The following ARID2 variants were observed in gnomAD, a reference collection of about 807,000 sequenced individuals.
The protein encoded by ARID2 is AT-rich interaction domain 2, also known as AT-rich interactive domain-containing protein 2.
A neutral mutation model predicts 184.6 loss-of-function variants in ARID2; 32 were observed. The observed-to-expected ratio is 0.17, with a 90% CI of 0.13 to 0.23. The LOEUF is 0.23. Ranked by LOEUF, ARID2 falls within the 10% of genes least tolerant of loss-of-function variation. ARID2 has a pLI of 1.00. For synonymous variants in ARID2, 836 were observed against 772.6 expected, an observed-to-expected ratio of 1.08 and a Z score of -1.36; for missense variants, 1,696 against 2,197.6, an observed-to-expected ratio of 0.77 and a Z score of 4.56.
intron 16 of ARID2, among the ~76,000 whole-genome samples, chr12:45,867,413 C>T (rs148921825): frequency 9.0e-4 from 137 of 152,100 alleles, no homozygotes; most frequent in African/African-American, 3.2e-3. Context: ...CCACCACACC[C>T]ACCTAATTTT....
At chr12:45,833,467 A>G (rs180801234) in intron 6 of ARID2, among the ~76,000 whole-genome samples, 2 of 151,612 alleles carry the variant, frequency 1.3e-5, no homozygotes, top group African/African-American at 4.8e-5. Flanking sequence ...CTTGAAACTG[A>G]TTTTTGTCTT....
Position 45,738,779 on chromosome 12 carries a change from C to CTTTTTTTTT in ARID2, c.284+7491_284+7499dup, listed in dbSNP as rs11333868. On this transcript the variant is annotated intron_variant, in intron 3 of 20. Coordinates refer to ENST00000334344, the MANE Select transcript of ARID2 (RefSeq NM_152641.4). ...TTTTCTTCCTGGGGCATATGGGCTA[C>CTTTTTTTTT]TTTTTTTTTTTTTTTTTTTTTTTTT... Among the ~76,000 whole-genome samples, 82 of 62,272 alleles carry CTTTTTTTTT rather than the reference C, an allele frequency of 1.3e-3. 7 individuals carry two copies. The highest frequency in any genetic ancestry group is 1.6e-3 in the Non-Finnish European group (63 of 38,594). 40.9% of individuals were successfully genotyped at this position (62,272 alleles called of 152,430 possible).
intron 3 of ARID2, among the ~76,000 whole-genome samples, chr12:45,803,274 T>C (rs1942540258): frequency 6.6e-6 from 1 of 152,188 alleles, no homozygotes; most frequent in Non-Finnish European, 1.5e-5. Context: ...TGTAATTTGC[T>C]CTAATCCTTG....
At position 45,905,004 on chromosome 12, in the gene ARID2, G is replaced by A. The variant is rs1356378323; in HGVS notation, c.5434G>A (p.Ala1812Thr). The A allele has an allele frequency of 1.2e-6, 2 of 1,613,802 alleles. No homozygotes were observed. The highest frequency in any genetic ancestry group is 1.3e-5 in the African/African-American group (1 of 74,870). Residue 1812 changes from alanine (A) to threonine (T), a missense_variant, in exon 21 of 21, where the codon GCC becomes ACC. Physicochemically the swap from Ala to Thr is moderately conservative, Grantham distance 58. Coordinates refer to ENST00000334344, the MANE Select transcript of ARID2 (RefSeq NM_152641.4). ...TAACATGGAAGCTTCCTCCACCCTT[G>A]CCAAATGCCTTTATGAACTTAATTT... The part of the protein sequence containing the change: ...ISNMEASSTL[A>T]KCLYELNFTV...
chr12:45,744,596 T>C (rs1326586624), intron 3 of ARID2, among the ~76,000 whole-genome samples: 1 of 152,206 alleles, frequency 6.6e-6, no homozygotes, highest in African/African-American at 2.4e-5. Context: ...GTTTTTGCTC[T>C]TTTGTTCTTT....
chr12:45,843,470 T>C (rs1275372453), intron 11 of ARID2, among the ~76,000 whole-genome samples: 2 of 151,330 alleles, frequency 1.3e-5, no homozygotes, highest in African/African-American at 2.4e-5. Context: ...GGCTCAAGAC[T>C]ATCCTCCCAC....
At chr12:45,748,888 A>C (rs147144605) in intron 3 of ARID2, among the ~76,000 whole-genome samples, 106 of 152,234 alleles carry the variant, frequency 7.0e-4, no homozygotes, top group African/African-American at 2.4e-3. Flanking sequence ...TTCAGGCTCC[A>C]CTTCTAATTC....
intron 16 of ARID2, among the ~76,000 whole-genome samples, chr12:45,880,223 A>G (rs1039105396): frequency 2.7e-4 from 41 of 152,228 alleles, no homozygotes; most frequent in Non-Finnish European, 5.1e-4. Context: ...AGAGGAATAA[A>G]ATCTACATTA....
chr12:45,830,280 A>G (rs7298844), intron 6 of ARID2, among the ~76,000 whole-genome samples: 21,915 of 152,010 alleles, frequency 0.14, 2,049 homozygotes, highest in Middle Eastern at 0.21. Context: ...TCATTCTTCC[A>G]CTACTCTATT....
At chr12:45,805,182 C>G (rs1287365142) in intron 3 of ARID2, among the ~76,000 whole-genome samples, 2 of 151,496 alleles carry the variant, frequency 1.3e-5, no homozygotes, top group Non-Finnish European at 3.0e-5. Context: ...CTCCTTTTTT[C>G]TGTATATTTA....
intron 3 of ARID2, among the ~76,000 whole-genome samples, chr12:45,771,268 G>T (rs1377322240): frequency 1.3e-5 from 2 of 151,102 alleles, no homozygotes; most frequent in Non-Finnish European, 2.9e-5. Context: ...TGAGGCAGGA[G>T]AATCGCTTGA....
At chr12:45,806,883 T>TG in intron 3 of ARID2, among the ~76,000 whole-genome samples, 1 of 152,204 alleles carries the variant, frequency 6.6e-6, no homozygotes, top group East Asian at 1.9e-4. Flanking sequence ...AGTTACAAGT[T>TG]GAAGTTTATA....
At chr12:45,813,896 T>A (rs1414779605) in intron 4 of ARID2, among the ~76,000 whole-genome samples, 1 of 152,328 alleles carries the variant, frequency 6.6e-6, no homozygotes, top group South Asian at 2.1e-4. Flanking sequence ...CATACTGTTT[T>A]TGACATTACA....
At chr12:45,787,781 G>A (rs1221550002) in intron 3 of ARID2, among the ~76,000 whole-genome samples, 1 of 151,926 alleles carries the variant, frequency 6.6e-6, no homozygotes, top group African/African-American at 2.4e-5. Context: ...TATTAATATA[G>A]GGATCCTTAT....
At chr12:45,740,065 A>T (rs763737986) in intron 3 of ARID2, among the ~76,000 whole-genome samples, 37 of 152,302 alleles carry the variant, frequency 2.4e-4, no homozygotes, top group South Asian at 8.3e-4. Flanking sequence ...TGTGCTTGCA[A>T]ATAATAGGTA....
intron 6 of ARID2, among the ~76,000 whole-genome samples, chr12:45,831,173 C>T (rs1279172653): frequency 6.6e-6 from 1 of 152,002 alleles, no homozygotes; most frequent in African/African-American, 2.4e-5. Context: ...CTTTTTCTAA[C>T]TTGTTAGGAA....
At chr12:45,870,239 CG>C (rs1943902378) in intron 16 of ARID2, among the ~76,000 whole-genome samples, 1 of 152,084 alleles carries the variant, frequency 6.6e-6, no homozygotes. Context: ...CCACCCTCCT[CG>C]GCCTCCCAAA....
intron 4 of ARID2, among the ~76,000 whole-genome samples, chr12:45,812,312 A>T (rs1024885983): frequency 5.3e-5 from 8 of 151,776 alleles, no homozygotes; most frequent in African/African-American, 1.9e-4. Context: ...CTAGTTCTGT[A>T]CTCTTACAGG....
At chr12:45,832,094 T>G (rs765883914) in intron 6 of ARID2, among the ~76,000 whole-genome samples, 19 of 152,186 alleles carry the variant, frequency 1.2e-4, no homozygotes, top group East Asian at 1.9e-4. Context: ...TTTAGGAAAT[T>G]AATGATGTAG....
Sources: allele counts gnomAD v4.1 joint callset (sites outside exome capture counted in the v4.1 genomes callset), GRCh38; gene constraint gnomAD v4.1.1; transcripts MANE v1.5; gene names NCBI Gene and HGNC (gene_info 2026-07-23, HGNC 2026-07-21).